The following PACRG variants were observed in gnomAD, a reference collection of about 807,000 sequenced individuals.
The protein encoded by PACRG is parkin coregulated, also known as parkin coregulated gene protein.
Under a neutral mutation model 29.7 loss-of-function variants are expected in PACRG, and 29 were observed. The observed-to-expected ratio is 0.98, with a 90% CI of 0.73 to 1.33. The LOEUF (loss-of-function observed/expected upper bound fraction) is 1.33, where lower values mean the gene tolerates loss of function less well. Among genes scored for constraint, PACRG ranks in the 40% most tolerant of loss-of-function variants. The pLI, the probability that PACRG is intolerant of heterozygous loss-of-function variation, is 0.00. For synonymous variants in PACRG, 116 were observed against 118.7 expected (o/e 0.98, Z 0.15); for missense variants, 279 against 316.2 (o/e 0.88, Z 0.89).
chr6:163,008,885 A>G (rs1399300915), intron 2 of PACRG, among the ~76,000 whole-genome samples: 1 of 151,984 alleles, frequency 6.6e-6, no homozygotes, highest in African/African-American at 2.4e-5. Flanking sequence ...CTGAGGTGAA[A>G]CTTCAATGAG....
intron 2 of PACRG, among the ~76,000 whole-genome samples, chr6:162,952,207 T>C (rs773462105): frequency 1.3e-5 from 2 of 152,182 alleles, no homozygotes. Flanking sequence ...TCTCTTCTTA[T>C]AAGACAGTGC....
intron 2 of PACRG, among the ~76,000 whole-genome samples, chr6:162,851,063 T>A (rs897475596): frequency 6.6e-6 from 1 of 152,230 alleles, no homozygotes; most frequent in African/African-American, 2.4e-5. Context: ...GCATTTTCTG[T>A]GTTGACTGCG....
chr6:162,886,733 G>C (rs1043454658), intron 2 of PACRG, among the ~76,000 whole-genome samples: 17 of 152,284 alleles, frequency 1.1e-4, no homozygotes, highest in Admixed American at 8.5e-4. Flanking sequence ...ATCTAGAGGA[G>C]AGTGTGTCAG....
intron 4 of PACRG, among the ~76,000 whole-genome samples, chr6:163,246,172 C>A (rs972203922): frequency 6.6e-6 from 1 of 152,208 alleles, no homozygotes; most frequent in African/African-American, 2.4e-5. Flanking sequence ...AATGTCAGTG[C>A]CCTTACCTTT....
chr6:163,106,191 A>C (rs475849), intron 4 of PACRG, among the ~76,000 whole-genome samples: 72,272 of 151,880 alleles, frequency 0.48, 18,189 homozygotes, highest in African/African-American at 0.65. Flanking sequence ...AGTAAAAGGG[A>C]ACTTATAGGA....
chr6:163,074,411 G>C (rs548360728), intron 3 of PACRG, among the ~76,000 whole-genome samples: 2 of 152,238 alleles, frequency 1.3e-5, no homozygotes, highest in South Asian at 2.1e-4. Flanking sequence ...TAGAAGGATG[G>C]TTACCAGATG....
At chr6:163,303,137 C>A (rs1785065260) in intron 4 of PACRG, among the ~76,000 whole-genome samples, 1 of 152,106 alleles carries the variant, frequency 6.6e-6, no homozygotes, top group Non-Finnish European at 1.5e-5. Flanking sequence ...TCGAGATCAG[C>A]CTGGGCAACA....
chr6:162,987,091 C>T (rs1802967444), intron 2 of PACRG, among the ~76,000 whole-genome samples: 1 of 151,920 alleles, frequency 6.6e-6, no homozygotes, highest in African/African-American at 2.4e-5. Flanking sequence ...TGTTATAGAG[C>T]CTGTTTTGTC....
chr6:162,798,063 T>A (rs1785528052), intron 1 of PACRG, among the ~76,000 whole-genome samples: 1 of 152,212 alleles, frequency 6.6e-6, no homozygotes, highest in South Asian at 2.1e-4. Context: ...ATTGTTTTTC[T>A]TATAGTAACT....
At chr6:163,254,982 A>G (rs1406701359) in intron 4 of PACRG, among the ~76,000 whole-genome samples, 2 of 152,224 alleles carry the variant, frequency 1.3e-5, no homozygotes, top group African/African-American at 4.8e-5. Context: ...TTTCTACGTC[A>G]GGTTCTCCCT....
At chr6:163,189,317 A>G (rs1780095125) in intron 4 of PACRG, 1 of 152,248 alleles carries the variant, frequency 6.6e-6, no homozygotes, top group African/African-American at 2.4e-5. Context: ...GTAGGTGGAC[A>G]TTTAGCCAGT....
At chr6:163,160,547 T>C (rs1778514505) in intron 4 of PACRG, among the ~76,000 whole-genome samples, 1 of 152,212 alleles carries the variant, frequency 6.6e-6, no homozygotes, top group African/African-American at 2.4e-5. Flanking sequence ...CATGAAAATA[T>C]ATTGATGAAT....
At chr6:162,798,120 T>C (rs113868926) in intron 1 of PACRG, among the ~76,000 whole-genome samples, 4 of 152,216 alleles carry the variant, frequency 2.6e-5, no homozygotes, top group Admixed American at 6.5e-5. Context: ...CTGAATTGAA[T>C]TGATTTTTCC....
intron 2 of PACRG, among the ~76,000 whole-genome samples, chr6:162,984,850 T>A (rs1257006471): frequency 7.9e-6 from 1 of 126,510 alleles, no homozygotes; most frequent in Admixed American, 8.1e-5. Flanking sequence ...CACTTTTTGA[T>A]GCGATTGGTT....
chr6:163,064,254 G>A (rs1337874157), intron 3 of PACRG, among the ~76,000 whole-genome samples: 1 of 151,994 alleles, frequency 6.6e-6, no homozygotes, highest in African/African-American at 2.4e-5. Context: ...TGCAGGCCAA[G>A]GTAAAGTGAT....
chr6:163,227,186 T>C (rs1379965112), intron 4 of PACRG, among the ~76,000 whole-genome samples: 2 of 152,180 alleles, frequency 1.3e-5, no homozygotes, highest in East Asian at 3.9e-4. Context: ...TGTGCTGCCA[T>C]CTGCTTCCCA....
At chr6:162,963,062 CT>C (rs1381402382) in intron 2 of PACRG, among the ~76,000 whole-genome samples, 1 of 151,898 alleles carries the variant, frequency 6.6e-6, no homozygotes, top group Non-Finnish European at 1.5e-5. Flanking sequence ...ATGAAGATGT[CT>C]AGGAAAGTAT....
intron 2 of PACRG, among the ~76,000 whole-genome samples, chr6:162,938,336 T>C (rs1266556842): frequency 1.3e-5 from 2 of 152,258 alleles, no homozygotes; most frequent in African/African-American, 4.8e-5. Context: ...GTTTTTGCAA[T>C]TGGGAATTGT....
At chr6:163,018,742 G>A (rs1034122919) in intron 2 of PACRG, among the ~76,000 whole-genome samples, 1 of 152,046 alleles carries the variant, frequency 6.6e-6, no homozygotes, top group African/African-American at 2.4e-5. Context: ...AGTAGGTAGT[G>A]TCCAGTCTTT....
Sources: gnomAD v4.1 joint callset for allele counts (sites outside exome capture counted in the v4.1 genomes callset) on GRCh38, gnomAD v4.1.1 for gene constraint, MANE v1.5 for transcripts, NCBI Gene and HGNC (gene_info 2026-07-23, HGNC 2026-07-21) for gene names.